LUZP1: variants seen among roughly 807,000 people sequenced by gnomAD.
LUZP1 encodes filamin mechanobinding actin cross-linking protein.
LUZP1 carries 25 observed loss-of-function variants against 71.3 expected under a neutral mutation model. The ratio of observed to expected loss-of-function variants is 0.35; its 90% CI spans 0.26 to 0.49. The LOEUF is 0.49. Ranked by LOEUF, LUZP1 falls within the 20% of genes least tolerant of loss-of-function variation. The pLI, the probability that LUZP1 is intolerant of heterozygous loss-of-function variation, is 0.99. For missense variants in LUZP1, 1,142 were observed against 1,300.8 expected (o/e 0.88, Z 1.88); for synonymous variants, 481 against 506.4 (o/e 0.95, Z 0.67).
intron 1 of LUZP1, among the ~76,000 whole-genome samples, chr1:23,174,599 GCACTTT>G (rs773038543): frequency 1.2e-4 from 19 of 152,124 alleles, no homozygotes; most frequent in Non-Finnish European, 2.1e-4. Flanking sequence ...GTCTAAACTT[GCACTTT>G]CACTTTCACT....
chr1:23,095,075 GC>G (rs1272075975), intron 3 of LUZP1, among the ~76,000 whole-genome samples: 3 of 152,156 alleles, frequency 2.0e-5, no homozygotes, highest in African/African-American at 7.2e-5. Flanking sequence ...TAAAAGAAAT[GC>G]CCCAGATGTT....
intron 2 of LUZP1, among the ~76,000 whole-genome samples, chr1:23,130,418 C>A (rs1450245552): frequency 1.3e-5 from 2 of 148,976 alleles, no homozygotes; most frequent in East Asian, 4.0e-4. Context: ...TTTACCTGTA[C>A]AATATTATGA....
chr1:23,102,728 G>T (rs895610383), intron 3 of LUZP1, among the ~76,000 whole-genome samples: 1 of 152,024 alleles, frequency 6.6e-6, no homozygotes, highest in Non-Finnish European at 1.5e-5. Context: ...GGTAAGATGA[G>T]CGGGGAGGAT....
At chr1:23,160,237 A>G (rs930673101) in intron 2 of LUZP1, among the ~76,000 whole-genome samples, 36 of 152,228 alleles carry the variant, frequency 2.4e-4, no homozygotes, top group African/African-American at 8.7e-4. Context: ...AAGAGTAACT[A>G]CTGAGAGAGC....
chr1:23,136,665 T>C (rs936732927), intron 2 of LUZP1, among the ~76,000 whole-genome samples: 2 of 152,058 alleles, frequency 1.3e-5, no homozygotes, highest in African/African-American at 4.8e-5. Flanking sequence ...TCCCAGCACT[T>C]TGGGAGGCCG....
chr1:23,167,901 G>A (rs752497863), intron 2 of LUZP1, among the ~76,000 whole-genome samples: 1 of 151,982 alleles, frequency 6.6e-6, no homozygotes, highest in Non-Finnish European at 1.5e-5. Context: ...GGCGGGGGCC[G>A]GGGGTGCGCC....
intron 3 of LUZP1, among the ~76,000 whole-genome samples, chr1:23,106,468 G>C (rs1243944724): frequency 6.6e-6 from 1 of 152,028 alleles, no homozygotes; most frequent in Non-Finnish European, 1.5e-5. Context: ...AGCTGGGAGT[G>C]GTGGCATGCA....
chr1:23,133,178 T>C (rs572330529), intron 2 of LUZP1, among the ~76,000 whole-genome samples: 66 of 152,350 alleles, frequency 4.3e-4, no homozygotes, highest in Non-Finnish European at 2.9e-5. Context: ...AAGTCTATGA[T>C]GGGAAACTAA....
At chr1:23,175,100 T>C (rs897758104) in intron 1 of LUZP1, among the ~76,000 whole-genome samples, 20 of 152,162 alleles carry the variant, frequency 1.3e-4, no homozygotes, top group African/African-American at 4.6e-4. Flanking sequence ...GGGGTCATTA[T>C]TGCTATCTTG....
At chr1:23,118,827 C>T (rs555570363) in intron 2 of LUZP1, among the ~76,000 whole-genome samples, 1 of 152,170 alleles carries the variant, frequency 6.6e-6, no homozygotes, top group East Asian at 1.9e-4. Context: ...ATTTCTCTAA[C>T]CAAATGGGCT....
chr1:23,174,226 G>A lies in LUZP1; in HGVS notation c.-485+3265C>T, dbSNP rs1021494488. On this transcript the variant is annotated intron_variant, in intron 1 of 4. Coordinates refer to ENST00000302291, the Ensembl canonical transcript of LUZP1. ...CTCAGAGTCCAAGGATTGAGAACCA[G>A]GAGCTCCAATGTCCAAGGGCAGGAG... Among the ~76,000 whole-genome samples, 6 of 152,140 alleles carry A rather than the reference G, an allele frequency of 3.9e-5. No individual in the cohort carries two copies. The East Asian group carries it at 1.2e-3, about 29-fold the overall frequency.
At chr1:23,115,120 A>G (rs1644067649) in intron 2 of LUZP1, among the ~76,000 whole-genome samples, 1 of 152,230 alleles carries the variant, frequency 6.6e-6, no homozygotes, top group African/African-American at 2.4e-5. Flanking sequence ...AAATCGCATC[A>G]ATAATAGATA....
chr1:23,173,350 C>CTTTTTTTTTTTTTTTTT (rs869169060), intron 1 of LUZP1, among the ~76,000 whole-genome samples: 36 of 80,356 alleles, frequency 4.5e-4, no homozygotes, highest in Non-Finnish European at 5.8e-4. Flanking sequence ...TTTGTTTTTT[C>CTTTTTTTTTTTTTTTTT]TTTTTTTTTT....
intron 2 of LUZP1, among the ~76,000 whole-genome samples, chr1:23,125,435 C>T (rs1364200800): frequency 3.9e-5 from 6 of 152,078 alleles, no homozygotes; most frequent in East Asian, 1.9e-4. Context: ...ATCCTATTCT[C>T]TTTGTTTTTC....
chr1:23,152,890 G>A (rs749938663), intron 2 of LUZP1, among the ~76,000 whole-genome samples: 9 of 151,856 alleles, frequency 5.9e-5, no homozygotes, highest in Non-Finnish European at 1.2e-4. Context: ...CTTTCTCTAC[G>A]TTATTAAGTC....
At chr1:23,170,055 T>G (rs1644541046) in intron 1 of LUZP1, among the ~76,000 whole-genome samples, 1 of 152,142 alleles carries the variant, frequency 6.6e-6, no homozygotes, top group African/African-American at 2.4e-5. Context: ...TTTGACCCTT[T>G]GCTGAAGCTC....
chr1:23,148,703 CA>C (rs1378721715), intron 2 of LUZP1, among the ~76,000 whole-genome samples: 1 of 152,082 alleles, frequency 6.6e-6, no homozygotes, highest in African/African-American at 2.4e-5. Flanking sequence ...AAAAAGAACA[CA>C]AAAATGTTCT....
chr1:23,130,137 C>T (rs147040864), intron 2 of LUZP1, among the ~76,000 whole-genome samples: 59 of 152,322 alleles, frequency 3.9e-4, no homozygotes, highest in African/African-American at 1.3e-3. Flanking sequence ...GACATTTTCC[C>T]TGCCTGGAAT....
chr1:23,159,213 C>T (rs1445202281), intron 2 of LUZP1, among the ~76,000 whole-genome samples: 6 of 151,098 alleles, frequency 4.0e-5, no homozygotes, highest in African/African-American at 1.5e-4. Context: ...TGGTGGCGGG[C>T]ACCTGTAGTC....
Sources: gnomAD v4.1 joint callset for allele counts (sites outside exome capture counted in the v4.1 genomes callset) on GRCh38, gnomAD v4.1.1 for gene constraint, MANE v1.5 for transcripts, NCBI Gene and HGNC (gene_info 2026-07-23, HGNC 2026-07-21) for gene names.